Variants in WBP2NL observed in about 807,000 individuals in gnomAD.
The protein encoded by WBP2NL is WBP2 N-terminal like, also known as postacrosomal sheath WW domain-binding protein.
In WBP2NL, 27 loss-of-function variants were observed where a neutral mutation model predicts 23.3. The observed-to-expected ratio is 1.16, with a 90% CI of 0.85 to 1.60. The LOEUF (loss-of-function observed/expected upper bound fraction) is 1.60. Ranked by LOEUF, WBP2NL falls within the 40% of genes most tolerant of loss-of-function variation. The probability of loss-of-function intolerance (pLI) is 0.00; values close to 1 mark genes in which losing one functional copy is unlikely to be tolerated. For synonymous variants in WBP2NL, 151 were observed against 145.9 expected (o/e 1.03, Z -0.25); for missense variants, 370 against 389.5 (o/e 0.95, Z 0.42).
chr22:41,999,195 A>C (rs1292675336), intron 1 of WBP2NL, among the ~76,000 whole-genome samples: 2 of 152,168 alleles, frequency 1.3e-5, no homozygotes, highest in Non-Finnish European at 2.9e-5. Flanking sequence ...GTGTCCTTCG[A>C]AGAGAGGCCG....
intron 1 of WBP2NL, among the ~76,000 whole-genome samples, chr22:42,010,714 A>G (rs905991871): frequency 6.6e-6 from 1 of 151,668 alleles, no homozygotes. Context: ...AATTTTTTGT[A>G]TTTTTAGTAG....
chr22:42,040,407 G>C (rs1247943581), intron 8 of WBP2NL, among the ~76,000 whole-genome samples: 1 of 152,054 alleles, frequency 6.6e-6, no homozygotes, highest in Non-Finnish European at 1.5e-5. Context: ...TATTTTAGTA[G>C]AGACGAGGTT....
chr22:42,031,464 A>C (rs1322593588), downstream of WBP2NL: 2 of 152,222 alleles, frequency 1.3e-5, no homozygotes, highest in Non-Finnish European at 2.9e-5. Context: ...GCTGCAATAC[A>C]GAAACTATAC....
chr22:42,038,895 C>T (rs1479729528), intron 8 of WBP2NL, among the ~76,000 whole-genome samples: 2 of 150,340 alleles, frequency 1.3e-5, no homozygotes, highest in Non-Finnish European at 3.0e-5. Flanking sequence ...TGAGCCACTG[C>T]GTCCAGCTGG....
In WBP2NL at chr22:42,007,941, G is replaced by A. The variant is rs192674092; in HGVS notation, c.62+9061G>A. 9.9e-5 allele frequency among the ~76,000 whole-genome samples: 15 copies of A among 152,178 alleles called. No individual in the cohort carries two copies. The East Asian group carries it at 2.9e-3, about 29-fold the overall frequency. On this transcript the variant is annotated intron_variant, in intron 1 of 5. Transcript: ENST00000328823. ...CAGAAGCAGGATTGCTAGCTTGTAC[G>A]GTAGTTCTATTTTTAATTTTTTTTG... is the stretch of plus-strand genomic sequence containing the variant.
intron 8 of WBP2NL, among the ~76,000 whole-genome samples, chr22:42,042,795 A>G (rs1373312235): frequency 3.9e-5 from 6 of 152,158 alleles, no homozygotes; most frequent in Non-Finnish European, 7.4e-5. Flanking sequence ...ATGGTGGCCC[A>G]TGCCTGCAAC....
At position 42,027,453 on chromosome 22, in the gene WBP2NL, T is replaced by C; in HGVS notation, c.*272T>C. Reference sequence around the variant, plus strand: ...TTTGGTTGACATTGGGTTGCATTTTTAAACATAACTTTTTCCACACTCGCA... The same window carrying C: ...TTTGGTTGACATTGGGTTGCATTTTCAAACATAACTTTTTCCACACTCGCA... On this transcript the variant is annotated 3_prime_UTR_variant, in exon 6 of 6. Transcript: ENST00000328823. The C allele has an allele frequency of 2.4e-6, 1 of 415,402 alleles. No individual in the cohort carries two copies. The highest frequency in any genetic ancestry group is 4.2e-6 in the Non-Finnish European group (1 of 237,198). 25.7% of individuals were successfully genotyped at this position (415,402 alleles called of 1,614,324 possible). A position where few individuals can be genotyped will look rare whatever the true frequency, so the allele number is the denominator to read the frequency against.
intron 1 of WBP2NL, among the ~76,000 whole-genome samples, chr22:42,006,990 T>C (rs1211632662): frequency 6.6e-6 from 1 of 152,270 alleles, no homozygotes; most frequent in Non-Finnish European, 1.5e-5. Flanking sequence ...AAATCTGTTA[T>C]CCCAAATTTT....
intron 8 of WBP2NL, among the ~76,000 whole-genome samples, chr22:42,055,529 GT>G (rs1209695308): frequency 6.6e-6 from 1 of 152,198 alleles, no homozygotes; most frequent in Admixed American, 6.5e-5. Flanking sequence ...CATATGGTCT[GT>G]CCTAGAGAAT....
At chr22:42,025,616 T>C (rs1259200263) in intron 5 of WBP2NL, among the ~76,000 whole-genome samples, 1 of 152,214 alleles carries the variant, frequency 6.6e-6, no homozygotes, top group African/African-American at 2.4e-5. Context: ...CTGTCAAAAA[T>C]CAACTGTTCA....
At chr22:42,004,878 C>G (rs1363676666) in intron 1 of WBP2NL, among the ~76,000 whole-genome samples, 2 of 152,012 alleles carry the variant, frequency 1.3e-5, no homozygotes, top group African/African-American at 2.4e-5. Flanking sequence ...GAGCCAAGAT[C>G]ACACCATTGC....
intron 1 of WBP2NL, 122 bp downstream of exon 1, chr22:41,999,002 G>A (rs1921240437): frequency 8.4e-7 from 1 of 1,194,526 alleles, no homozygotes; most frequent in African/African-American, 1.6e-5. Flanking sequence ...GGCGCTCTTA[G>A]CTCCGCCCCC....
At chr22:42,037,720 A>G (rs1019055150), downstream of WBP2NL, among the ~76,000 whole-genome samples, 1 of 152,004 alleles carries the variant, frequency 6.6e-6, no homozygotes, top group Admixed American at 6.6e-5. Flanking sequence ...TCCCTTTCAG[A>G]TAGTTCATCT....
intron 1 of WBP2NL, among the ~76,000 whole-genome samples, chr22:42,011,167 T>C (rs772440446): frequency 6.6e-6 from 1 of 152,250 alleles, no homozygotes. Flanking sequence ...TAGAAGTGTT[T>C]CTTCCTCTTT....
At chr22:42,004,058 G>T (rs1488624386) in intron 1 of WBP2NL, among the ~76,000 whole-genome samples, 1 of 152,172 alleles carries the variant, frequency 6.6e-6, no homozygotes, top group African/African-American at 2.4e-5. Context: ...GGTCACTTGA[G>T]GTCAGGAGTT....
intron 8 of WBP2NL, among the ~76,000 whole-genome samples, chr22:42,039,722 T>G (rs1422179465): frequency 6.6e-6 from 1 of 152,148 alleles, no homozygotes; most frequent in Non-Finnish European, 1.5e-5. Flanking sequence ...ATTTTATTTA[T>G]TTGAATCTTC....
chr22:42,026,648 C>T, intron 5 of WBP2NL, 118 bp from the exon 6 acceptor site: 1 of 1,467,304 alleles, frequency 6.8e-7, no homozygotes, highest in Non-Finnish European at 9.2e-7. Context: ...TAGCATTATT[C>T]TGCCTGACTT....
chr22:42,023,193 T>G (rs962073967), intron 5 of WBP2NL, among the ~76,000 whole-genome samples: 1 of 51,944 alleles, frequency 1.9e-5, no homozygotes, highest in Non-Finnish European at 5.2e-5. Context: ...AGTGGTGTTT[T>G]TTTTTTTTGG....
chr22:42,039,323 G>A (rs1237377049), intron 8 of WBP2NL, among the ~76,000 whole-genome samples: 2 of 149,248 alleles, frequency 1.3e-5, no homozygotes, highest in Non-Finnish European at 3.0e-5. Context: ...TGATCCACTC[G>A]CCTTGGCCTC....
Sources: allele counts gnomAD v4.1 joint callset (sites outside exome capture counted in the v4.1 genomes callset), GRCh38; gene constraint gnomAD v4.1.1; transcripts MANE v1.5; gene names NCBI Gene and HGNC (gene_info 2026-07-23, HGNC 2026-07-21).